Variants in COL5A3 observed in about 807,000 individuals in gnomAD.
COL5A3 encodes collagen alpha-3(V) chain.
A neutral mutation model predicts 250.0 loss-of-function variants in COL5A3; 172 were observed. The observed-to-expected ratio is 0.69, with a 90% CI of 0.61 to 0.78. COL5A3 has a LOEUF of 0.78. Ranked by LOEUF, COL5A3 falls within the 30% of genes least tolerant of loss-of-function variation. COL5A3 has a pLI of 0.00. For missense variants in COL5A3, 2,340 were observed against 2,334.4 expected (o/e 1.00, Z -0.05); for synonymous variants, 937 against 900.4 (o/e 1.04, Z -0.73).
chr19:9,997,409 G>A lies in COL5A3; in HGVS notation c.1225C>T (p.Pro409Ser), dbSNP rs772669516. Residue 409 changes from proline (P) to serine (S), a missense_variant, in exon 11 of 67, where the codon CCC becomes TCC. By Grantham distance (74) the Pro-to-Ser change is moderately conservative. This residue lies in a region of COL5A3 where 1,152 missense variants were observed against 1,146.3 expected (regional missense o/e 1.00). Coordinates refer to ENST00000264828, the MANE Select transcript of COL5A3 (RefSeq NM_015719.4). ...TCGCCAGGGAATCCTGGGGGGCCGG[G>A]AGGGCCTGAGGGGCCAACCACCCCC... ...PQGVVGPSGP[P>S]GPPGFPGDPG... 6.2e-7 allele frequency: 1 copy of A among 1,609,066 alleles called. No individual in the cohort carries two copies. Among genetic ancestry groups the A allele is most frequent in the Non-Finnish European group, 8.5e-7 (1 of 1,178,326 alleles).
intron 64 of COL5A3, 89 bp downstream of exon 64, chr19:9,966,225 G>A: frequency 1.0e-6 from 1 of 989,000 alleles, no homozygotes; most frequent in South Asian, 1.5e-5. Flanking sequence ...GTTGAAGGAA[G>A]GATAACGTCC....
At position 9,988,319 on chromosome 19, in the gene COL5A3, C is replaced by A. The variant is rs149315187; in HGVS notation, c.2145+805G>T. Among the ~76,000 whole-genome samples the A allele has an allele frequency of 4.5e-3, 682 of 152,290 alleles. 4 individuals are homozygous for A. The highest frequency in any genetic ancestry group is 0.016 in the African/African-American group (670 of 41,562). ...AGGGTGATGCTTGCCAGACTCTGTG[C>A]CTGCTACAGTATAGCCAATTCCTTG... On this transcript the variant is annotated intron_variant, in intron 27 of 66. Coordinates refer to ENST00000264828, the MANE Select transcript of COL5A3 (RefSeq NM_015719.4).
rs372091609 is a variant in COL5A3, at chr19:9,977,947, CATATATATATATATATATAT to C, written c.3019-266_3019-247del. 4.6e-3 allele frequency among the ~76,000 whole-genome samples: 489 copies of C among 106,134 alleles called. 6 individuals carry two copies. The highest frequency in any genetic ancestry group is 0.014 in the African/African-American group (447 of 31,766). The allele number at this position is 106,134 out of a possible 152,430, so 69.6% of individuals were successfully genotyped here. A position where few individuals can be genotyped will look rare whatever the true frequency, so the allele number is the denominator to read the frequency against. On this transcript the variant is annotated intron_variant, in intron 41 of 66. Coordinates refer to ENST00000264828, the MANE Select transcript of COL5A3 (RefSeq NM_015719.4). ...GCCATAGTCCTCCTGGCAGCCTATA[CATATATATATATATATATAT>C]ATATATATATATATATATTTGTAGA...
At chr19:9,991,534 G>T in intron 24 of COL5A3, 76 bp downstream of exon 24, 1 of 1,288,468 alleles carries the variant, frequency 7.8e-7, no homozygotes, top group Non-Finnish European at 1.1e-6. Context: ...AGGGGTCTTG[G>T]TGGGAAGATT....
chr19:9,970,849 G>T, intron 53 of COL5A3, 126 bp downstream of exon 53: 1 of 1,088,382 alleles, frequency 9.2e-7, no homozygotes, highest in Non-Finnish European at 1.3e-6. Flanking sequence ...CCCCAGAGAG[G>T]TGAAGCGGGA....
intron 31 of COL5A3, among the ~76,000 whole-genome samples, chr19:9,983,284 T>C (rs1389777814): frequency 6.6e-6 from 1 of 151,858 alleles, no homozygotes. Context: ...GGAGAATCAC[T>C]TGAAGCTGGG....
At position 9,979,178 on chromosome 19, in the gene COL5A3, G is replaced by A. The variant is rs2086968208; in HGVS notation, c.2828C>T (p.Pro943Leu). 1 of 1,601,452 alleles carries A rather than the reference G, an allele frequency of 6.2e-7. No individual in the cohort carries two copies. ...ERGPPGPPGP[P>L]GEQGLPGLEG... Reference sequence around the variant, plus strand: ...CAGGCCAGGAAGACCTTGTTCACCAGGAGGTCCAGGGGGGCCTGGAGGCCC... The same window carrying A: ...CAGGCCAGGAAGACCTTGTTCACCAAGAGGTCCAGGGGGGCCTGGAGGCCC... The change falls in exon 39 of 67, where the codon CCT becomes CTT. Residue 943 changes from proline to leucine, a missense_variant. Around this residue, in one of 3 missense-constraint regions of COL5A3, gnomAD observed 1,179 missense variants for 1,162.6 expected, o/e 1.01. Coordinates refer to ENST00000264828, the MANE Select transcript of COL5A3 (RefSeq NM_015719.4).
At chr19:10,010,130 C>A (rs1182742611) in intron 1 of COL5A3, among the ~76,000 whole-genome samples, 168 bp downstream of exon 1, 1 of 150,928 alleles carries the variant, frequency 6.6e-6, no homozygotes, top group Non-Finnish European at 1.5e-5. Context: ...AGCTGTCACA[C>A]CCACAAATCA....
chr19:9,964,360 G>A (rs886305553), intron 64 of COL5A3, among the ~76,000 whole-genome samples: 23 of 152,074 alleles, frequency 1.5e-4, no homozygotes, highest in African/African-American at 5.6e-4. Flanking sequence ...AATACCTTGG[G>A]AGGCCAATGC....
At chr19:9,973,082 TTAGCATACTTGGA>T in intron 50 of COL5A3, 56 bp from the exon 51 acceptor site, 1 of 1,463,078 alleles carries the variant, frequency 6.8e-7, no homozygotes, top group Non-Finnish European at 9.3e-7. Context: ...GGATCAAGGA[TTAGCATACTTGGA>T]TTCAGGCATT....
chr19:9,989,178 C>T lies in COL5A3; in HGVS notation c.2092-1G>A. 1 of 1,614,206 alleles carries T rather than the reference C, an allele frequency of 6.2e-7. No homozygotes were observed. ...GAGGGCCTGCCGACCCTGGTGGACC[C>T]TGGGAGGAAAATAAGGTCAGTGCCA... On this transcript the variant is annotated splice_acceptor_variant, in intron 26 of 66. Coordinates refer to ENST00000264828, the MANE Select transcript of COL5A3 (RefSeq NM_015719.4). LOFTEE classifies it high-confidence loss of function.
intron 10 of COL5A3, 81 bp from the exon 11 acceptor site, chr19:9,997,514 C>G: frequency 1.1e-6 from 1 of 908,280 alleles, no homozygotes. Context: ...CTGACTCTAA[C>G]CTCAGGCTGA....
chr19:9,993,780 C>A lies in COL5A3; in HGVS notation c.1614G>T (p.Arg538=), dbSNP rs2087231222. ...KMGRPGADGA[R]GLPGDTGPKG... is the part of the protein sequence containing the mutation. ...TAGGTCCAGTGTCCCCTGGGAGGCC[C>A]CGAGCTCCATCTGCTCCAGGGCGGC... Residue 538 remains arginine, a synonymous_variant, in exon 17 of 67, where the codon CGG becomes CGT. Coordinates refer to ENST00000264828, the MANE Select transcript of COL5A3 (RefSeq NM_015719.4). The A allele has an allele frequency of 1.2e-6, 2 of 1,614,058 alleles. No homozygotes were observed. The highest frequency in any genetic ancestry group is 2.7e-5 in the African/African-American group (2 of 74,912).
intron 65 of COL5A3, 126 bp from the exon 66 acceptor site, chr19:9,961,016 G>T (rs961538440): frequency 8.6e-7 from 1 of 1,166,976 alleles, no homozygotes; most frequent in Non-Finnish European, 1.2e-6. Flanking sequence ...CTCTGAGGAG[G>T]TCCCACCAGC....
In COL5A3 at chr19:9,973,631, A is replaced by C. The variant is rs2086882501; in HGVS notation, c.3613-8T>G. The stretch of plus-strand genomic sequence containing the variant: ...AGCGTCCCCTCGCTCACCCTGCAGG[A>C]GGCAAAGTGAGAGTGGGGAGAGGTC... On this transcript the variant is annotated splice_polypyrimidine_tract_variant and splice_region_variant and intron_variant, in intron 49 of 66. Transcript: ENST00000264828. 1 of 1,612,118 alleles carries C rather than the reference A, an allele frequency of 6.2e-7. No homozygotes were observed. The highest frequency in any genetic ancestry group is 8.5e-7 in the Non-Finnish European group (1 of 1,179,008).
At chr19:10,010,223 C>A in intron 1 of COL5A3, 75 bp downstream of exon 1, 5 of 1,096,602 alleles carry the variant, frequency 4.6e-6, no homozygotes, top group African/African-American at 1.6e-5. Flanking sequence ...CCCCTCCACC[C>A]CCCTCCACCC....
intron 8 of COL5A3, 107 bp from the exon 9 acceptor site, chr19:9,998,256 A>ACC: frequency 1.0e-6 from 1 of 1,002,694 alleles, no homozygotes; most frequent in Non-Finnish European, 1.5e-6. Flanking sequence ...ACACACACAC[A>ACC]CGGAGTCCAC....
chr19:9,987,716 T>C (rs2087119465), intron 27 of COL5A3, among the ~76,000 whole-genome samples: 1 of 152,126 alleles, frequency 6.6e-6, no homozygotes, highest in African/African-American at 2.4e-5. Flanking sequence ...ATGGTGGTAC[T>C]GCACTCCAGC....
At chr19:9,993,359 C>CT in intron 19 of COL5A3, 21 bp downstream of exon 19, 1 of 1,613,756 alleles carries the variant, frequency 6.2e-7, no homozygotes, top group African/African-American at 1.3e-5. Flanking sequence ...AAACCAGGCC[C>CT]TAACTCTCTT....
Sources: gnomAD v4.1 joint callset for allele counts (sites outside exome capture counted in the v4.1 genomes callset) on GRCh38, gnomAD v4.1.1 for gene constraint, gnomAD v4.1.1 regional missense constraint, MANE v1.5 for transcripts, NCBI Gene and HGNC (gene_info 2026-07-23, HGNC 2026-07-21) for gene names.